Variants in RNF4 observed in about 807,000 individuals in gnomAD.
The protein encoded by RNF4 is E3 ubiquitin-protein ligase RNF4.
RNF4 carries 7 observed loss-of-function variants against 24.3 expected under a neutral mutation model. That is an observed-to-expected ratio of 0.29 (90% CI 0.16 to 0.54). The LOEUF is 0.54. RNF4 is among the 20% of genes least tolerant of loss of function. The pLI is 0.95. For synonymous variants in RNF4, 83 were observed against 84.3 expected, an observed-to-expected ratio of 0.98 and a Z score of 0.09; for missense variants, 209 against 248.5, an observed-to-expected ratio of 0.84 and a Z score of 1.07.
intron 4 of RNF4, among the ~76,000 whole-genome samples, chr4:2,508,313 A>G (rs1736163425): frequency 6.6e-6 from 1 of 152,212 alleles, no homozygotes; most frequent in African/African-American, 2.4e-5. Flanking sequence ...ACCTCTATCC[A>G]TCTCTCAACT....
intron 4 of RNF4, among the ~76,000 whole-genome samples, chr4:2,510,038 A>T (rs1560414397): frequency 6.6e-6 from 1 of 152,128 alleles, no homozygotes; most frequent in Non-Finnish European, 1.5e-5. Flanking sequence ...GGTGAGGTTG[A>T]CTGATTGTCC....
At chr4:2,511,926 C>G in intron 4 of RNF4, 30 bp from the exon 5 acceptor site, 1 of 1,593,652 alleles carries the variant, frequency 6.3e-7, no homozygotes, top group Non-Finnish European at 8.6e-7. Flanking sequence ...TTGCTTCTTT[C>G]TCTTTTGTTT....
At position 2,514,562 on chromosome 4, in the gene RNF4, T is replaced by C. The variant is rs1251640274; in HGVS notation, c.*743T>C. On this transcript the variant is annotated 3_prime_UTR_variant, in exon 8 of 8. Transcript: ENST00000314289. ...TCCCAGCCCGTTTCTGCCCACCAGT[T>C]GTTCTCAGGAACCTTACCCATGCTC... 2 of 153,330 alleles carry C rather than the reference T, an allele frequency of 1.3e-5. No homozygotes were observed. Among genetic ancestry groups the C allele is most frequent in the Non-Finnish European group, 2.9e-5 (2 of 68,604 alleles). 9.5% of individuals were successfully genotyped at this position (153,330 alleles called of 1,614,324 possible).
intron 1 of RNF4, among the ~76,000 whole-genome samples, chr4:2,488,377 C>T (rs1023231388): frequency 6.6e-6 from 1 of 152,190 alleles, no homozygotes; most frequent in Non-Finnish European, 1.5e-5. Context: ...GCAGGAGAAT[C>T]ACTTGAACCT....
chr4:2,502,808 C>T (rs1735954464), intron 4 of RNF4, among the ~76,000 whole-genome samples: 1 of 150,342 alleles, frequency 6.7e-6, no homozygotes, highest in African/African-American at 2.5e-5. Context: ...CGCGCCACTG[C>T]ACTCAAGCCT....
chr4:2,493,134 G>C (rs1436570042), intron 2 of RNF4, among the ~76,000 whole-genome samples: 1 of 152,110 alleles, frequency 6.6e-6, no homozygotes, highest in Non-Finnish European at 1.5e-5. Flanking sequence ...GAAGCTACTT[G>C]GGAGGAGGAG....
rs1356155786 is a variant in RNF4 at position 2,515,012 on chromosome 4, CAG to C, written c.*1194_*1195del. 4 of 151,908 alleles carry C rather than the reference CAG, an allele frequency of 2.6e-5. No individual in the cohort carries two copies. The highest frequency in any genetic ancestry group is 1.9e-4 in the East Asian group (1 of 5,140). 9.4% of individuals were successfully genotyped at this position (151,908 alleles called of 1,614,324 possible). On this transcript the variant is annotated 3_prime_UTR_variant, in exon 8 of 8. Transcript: ENST00000314289. ...GGTACGCGGGAGCCTCAGGTTCTCT[CAG>C]GGGCAGCAAAGTGGCCCAAGCTGCC... is the stretch of plus-strand genomic sequence containing the variant.
chr4:2,508,578 GTTTTTGTTTTGTTTTGTTTTGT>G (rs1736169947), intron 4 of RNF4, among the ~76,000 whole-genome samples: 2 of 151,984 alleles, frequency 1.3e-5, no homozygotes, highest in Non-Finnish European at 2.9e-5. Flanking sequence ...TGTTTGTTTG[GTTTTTGTTTTGTTTTGTTTTGT>G]TTTTTGTTTT....
Position 2,490,290 on chromosome 4 carries a change from A to G in RNF4, c.-157-47A>G, listed in dbSNP as rs760517246. The G allele has an allele frequency of 4.7e-5, 27 of 573,778 alleles. 1 individual carries two copies. Among genetic ancestry groups the G allele is most frequent in the Middle Eastern group, 9.3e-4 (2 of 2,140 alleles). The allele number at this position is 573,778 out of a possible 1,614,324, so 35.5% of individuals were successfully genotyped here. The stretch of plus-strand genomic sequence containing the variant: ...CATTATTGAGCTCAGCTTTGTTTCA[A>G]TGATGTAAGTGGCAGTATTTATCAA... On this transcript the variant is annotated intron_variant, in intron 1 of 7. Transcript: ENST00000314289.
In RNF4 at chr4:2,498,229, G is replaced by A. The variant is rs1735796936; in HGVS notation, c.124+1108G>A. Among the ~76,000 whole-genome samples the A allele has an allele frequency of 2.0e-5, 3 of 152,164 alleles. No homozygotes were observed. The South Asian group carries it at 6.2e-4, about 31-fold the overall frequency. On this transcript the variant is annotated intron_variant, in intron 3 of 7. Coordinates refer to ENST00000314289, the MANE Select transcript of RNF4 (RefSeq NM_002938.5). The stretch of plus-strand genomic sequence containing the variant: ...GGCAGAGTTTCGTTCTGTCAGCCAG[G>A]TTGGAGTGCAATCGCGTGATCTCGG...
intron 1 of RNF4, among the ~76,000 whole-genome samples, chr4:2,471,480 G>A (rs951277386): frequency 1.2e-4 from 17 of 138,624 alleles, no homozygotes; most frequent in Admixed American, 2.2e-4. Flanking sequence ...ACCCTACAGT[G>A]TCCAGGCAAA....
intron 1 of RNF4, among the ~76,000 whole-genome samples, chr4:2,473,298 C>T (rs1099775): frequency 0.18 from 27,980 of 151,384 alleles, 3,068 homozygotes; most frequent in Middle Eastern, 0.28. Flanking sequence ...GTAGGTTAAT[C>T]GCTTGGGCCC....
At chr4:2,498,564 A>T (rs1237014159) in intron 3 of RNF4, among the ~76,000 whole-genome samples, 1 of 152,198 alleles carries the variant, frequency 6.6e-6, no homozygotes, top group Non-Finnish European at 1.5e-5. Flanking sequence ...GTATATCAGT[A>T]TATGGACTGT....
intron 1 of RNF4, among the ~76,000 whole-genome samples, chr4:2,478,362 G>A (rs1735142461): frequency 6.6e-6 from 1 of 152,198 alleles, no homozygotes; most frequent in South Asian, 2.1e-4. Context: ...ATAAGTAACA[G>A]GGAGCCAAAC....
At chr4:2,476,652 A>G (rs1421756735) in intron 1 of RNF4, among the ~76,000 whole-genome samples, 2 of 151,210 alleles carry the variant, frequency 1.3e-5, no homozygotes, top group African/African-American at 4.9e-5. Context: ...CGGCCTCCCA[A>G]AGTGCTGGGA....
At chr4:2,484,067 T>TCCCCCCCCCCCCCACC in intron 1 of RNF4, among the ~76,000 whole-genome samples, 1 of 13,282 alleles carries the variant, frequency 7.5e-5, no homozygotes, top group Admixed American at 7.0e-4. Flanking sequence ...CCTCAGGTGA[T>TCCCCCCCCCCCCCACC]CCCCCCCCGC....
intron 2 of RNF4, chr4:2,490,713 A>G: frequency 2.0e-6 from 1 of 508,912 alleles, no homozygotes; most frequent in Non-Finnish European, 3.5e-6. Flanking sequence ...AGCCCTGAAG[A>G]CAAAAGGCTG....
intron 2 of RNF4, among the ~76,000 whole-genome samples, chr4:2,496,385 C>A (rs1376714594): frequency 6.6e-6 from 1 of 152,166 alleles, no homozygotes. Flanking sequence ...GCCTTTTGGC[C>A]AGGGCATCCA....
rs1736383562 is a variant in RNF4, at chr4:2,515,251, G to A, written c.*1432G>A. 1 of 152,684 alleles carries A rather than the reference G, an allele frequency of 6.5e-6. No homozygotes were observed. Among genetic ancestry groups the A allele is most frequent in the Non-Finnish European group, 1.5e-5 (1 of 68,044 alleles). The allele number at this position is 152,684 out of a possible 1,614,324, so 9.5% of individuals were successfully genotyped here. ...ACCCTTCTGAAGGAGCAGGGACTCAGCACAGAATTCACTTTAGACGGGGCT... is the reference window on the plus strand; with the variant it reads ...ACCCTTCTGAAGGAGCAGGGACTCAACACAGAATTCACTTTAGACGGGGCT... On this transcript the variant is annotated 3_prime_UTR_variant, in exon 8 of 8. Coordinates refer to ENST00000314289, the MANE Select transcript of RNF4 (RefSeq NM_002938.5).
Sources: allele counts gnomAD v4.1 joint callset (sites outside exome capture counted in the v4.1 genomes callset), GRCh38; gene constraint gnomAD v4.1.1; transcripts MANE v1.5; gene names NCBI Gene and HGNC (gene_info 2026-07-23, HGNC 2026-07-21).